Variants in VPS41 observed in about 807,000 individuals in gnomAD.
VPS41 encodes vacuolar protein sorting-associated protein 41 homolog.
In VPS41, 85 loss-of-function variants were observed where a neutral mutation model predicts 130.9. The observed-to-expected ratio is 0.65, with a 90% CI of 0.55 to 0.78. VPS41 has a LOEUF of 0.78. VPS41 is among the 30% of genes least tolerant of loss of function. The pLI is 0.00. For missense variants in VPS41, 874 were observed against 1,018.7 expected (o/e 0.86, Z 1.93); for synonymous variants, 335 against 332.9 (o/e 1.01, Z -0.07).
Position 38,862,528 on chromosome 7 carries a change from T to C in VPS41, c.246+17A>G. 6.7e-7 allele frequency: 1 copy of C among 1,491,448 alleles called. No individual in the cohort carries two copies. Among genetic ancestry groups the C allele is most frequent in the Non-Finnish European group, 9.2e-7 (1 of 1,081,230 alleles). The allele number at this position is 1,491,448 out of a possible 1,614,324, so 92.4% of individuals were successfully genotyped here. A position where few individuals can be genotyped will look rare whatever the true frequency, so the allele number is the denominator to read the frequency against. ...CATGAAGTTTAGCTCATACATTATT[T>C]TATACAGAATACTTACTACATCAAA... is the stretch of plus-strand genomic sequence containing the variant. On this transcript the variant is annotated intron_variant, in intron 4 of 28. Coordinates refer to ENST00000310301, the MANE Select transcript of VPS41 (RefSeq NM_014396.4).
chr7:38,824,356 C>T (rs909196511), intron 5 of VPS41, among the ~76,000 whole-genome samples: 10 of 152,126 alleles, frequency 6.6e-5, no homozygotes, highest in African/African-American at 9.7e-5. Flanking sequence ...TCTGGTGAGG[C>T]GAAATGATAT....
Position 38,891,609 on chromosome 7 carries a change from T to C in VPS41, c.60+6482A>G, listed in dbSNP as rs144423497. ...TCTGTCTGCAAAGCTTTTAAATATTTACTACCTAGAACTTTACAGAAAACG... is the reference window on the plus strand; with the variant it reads ...TCTGTCTGCAAAGCTTTTAAATATTCACTACCTAGAACTTTACAGAAAACG... On this transcript the variant is annotated intron_variant, in intron 2 of 28. Transcript: ENST00000310301. Among the ~76,000 whole-genome samples, 322 of 152,360 alleles carry C rather than the reference T, an allele frequency of 2.1e-3. 2 individuals carry two copies. Among genetic ancestry groups the C allele is most frequent in the Non-Finnish European group, 3.5e-3 (240 of 68,042 alleles).
At chr7:38,786,268 T>C (rs1002291537) in intron 10 of VPS41, among the ~76,000 whole-genome samples, 37 of 152,220 alleles carry the variant, frequency 2.4e-4, no homozygotes, top group Admixed American at 2.1e-3. Flanking sequence ...CATCAGCTTC[T>C]TCACTTACAC....
chr7:38,763,746 A>T (rs984553579), intron 16 of VPS41, among the ~76,000 whole-genome samples, 199 bp from the exon 17 acceptor site: 1 of 152,216 alleles, frequency 6.6e-6, no homozygotes, highest in African/African-American at 2.4e-5. Flanking sequence ...AAAAGTATAT[A>T]CATGTATGAA....
intron 10 of VPS41, among the ~76,000 whole-genome samples, chr7:38,786,494 C>T (rs947792325): frequency 1.3e-5 from 2 of 151,996 alleles, no homozygotes; most frequent in Non-Finnish European, 2.9e-5. Context: ...CACTACTGAG[C>T]GGGGAAAGAG....
intron 7 of VPS41, among the ~76,000 whole-genome samples, chr7:38,805,711 C>A (rs1784827498): frequency 6.6e-6 from 1 of 152,146 alleles, no homozygotes; most frequent in Non-Finnish European, 1.5e-5. Context: ...TGATAGCTTT[C>A]ATGGAAGTGG....
At chr7:38,758,161 C>T (rs866183714) in intron 18 of VPS41, among the ~76,000 whole-genome samples, 193 bp downstream of exon 18, 5 of 152,244 alleles carry the variant, frequency 3.3e-5, no homozygotes, top group Middle Eastern at 3.4e-3. Context: ...AAACAGATTA[C>T]ATTGCAATTG....
At position 38,794,338 on chromosome 7, in the gene VPS41, A is replaced by G. The variant is rs370145299; in HGVS notation, c.717+1127T>C. ...TGTTCATGTAACACATGAAGAAAAA[A>G]GAACCTGAATGATAACAACATGAGG... On this transcript the variant is annotated intron_variant, in intron 9 of 28. Transcript: ENST00000310301. 2.4e-4 allele frequency among the ~76,000 whole-genome samples: 36 copies of G among 152,348 alleles called. 1 individual carries two copies. Among genetic ancestry groups the G allele is most frequent in the African/African-American group, 8.4e-4 (35 of 41,584 alleles).
At chr7:38,798,539 G>A (rs915833452) in intron 7 of VPS41, among the ~76,000 whole-genome samples, 3 of 152,192 alleles carry the variant, frequency 2.0e-5, no homozygotes, top group South Asian at 2.1e-4. Context: ...GTGATCCACC[G>A]GTCTTGGCCT....
rs1785086197 is a variant in VPS41, at chr7:38,817,822, T to C, written c.445A>G (p.Lys149Glu). 1.2e-6 allele frequency: 2 copies of C among 1,613,802 alleles called. No homozygotes were observed. Among genetic ancestry groups the C allele is most frequent in the African/African-American group, 1.3e-5 (1 of 74,914 alleles). ...TAGAGACACACAGCACTTACCTTCTTCCCTCCGGTCACAAACTGCTTGCAA... is the reference window on the plus strand; with the variant it reads ...TAGAGACACACAGCACTTACCTTCTCCCCTCCGGTCACAAACTGCTTGCAA... Reference protein sequence around the residue: ...SSCKQFVTGGKKLLLFERSWM... With the variant: ...SSCKQFVTGGEKLLLFERSWM... Residue 149 changes from lysine to glutamate, a missense_variant, in exon 7 of 29, where the codon AAG becomes GAG. By Grantham distance (56) the Lys-to-Glu change is moderately conservative. Transcript: ENST00000310301.
intron 2 of VPS41, among the ~76,000 whole-genome samples, chr7:38,889,107 T>TAAAA (rs34928108): frequency 6.8e-6 from 1 of 147,766 alleles, no homozygotes. Context: ...AAGTATAATT[T>TAAAA]AAAAAAAAAA....
intron 2 of VPS41, among the ~76,000 whole-genome samples, chr7:38,879,013 G>A (rs1584441784): frequency 6.6e-6 from 1 of 152,320 alleles, no homozygotes; most frequent in East Asian, 1.9e-4. Context: ...AAGACAGTAT[G>A]ACTAGAAAGA....
Position 38,887,954 on chromosome 7 carries a change from A to C in VPS41, c.60+10137T>G, listed in dbSNP as rs1375563157. On this transcript the variant is annotated intron_variant, in intron 2 of 28. Coordinates refer to ENST00000310301, the MANE Select transcript of VPS41 (RefSeq NM_014396.4). ...AAGCTTCATAAGTAAAGGAGAAATAAAATTCTTTACAGACAAGCAAATGCT... is the reference window on the plus strand; with the variant it reads ...AAGCTTCATAAGTAAAGGAGAAATACAATTCTTTACAGACAAGCAAATGCT... Among the ~76,000 whole-genome samples, 3 of 152,240 alleles carry C rather than the reference A, an allele frequency of 2.0e-5. No individual in the cohort carries two copies. The East Asian group carries it at 5.8e-4, about 29-fold the overall frequency.
intron 2 of VPS41, among the ~76,000 whole-genome samples, chr7:38,890,613 G>A (rs1382925422): frequency 6.6e-6 from 1 of 152,112 alleles, no homozygotes; most frequent in Non-Finnish European, 1.5e-5. Flanking sequence ...GCGTGATATT[G>A]TACTAGAGTT....
chr7:38,745,004 C>T (rs948774460), intron 23 of VPS41, among the ~76,000 whole-genome samples: 2 of 152,168 alleles, frequency 1.3e-5, no homozygotes, highest in African/African-American at 4.8e-5. Flanking sequence ...TTGTCATGCA[C>T]GTGGCTCATT....
intron 4 of VPS41, among the ~76,000 whole-genome samples, chr7:38,857,523 A>G (rs1187301593): frequency 1.3e-5 from 2 of 152,232 alleles, no homozygotes; most frequent in Non-Finnish European, 2.9e-5. Flanking sequence ...ACATGGCACA[A>G]TAATTTGATC....
chr7:38,810,667 G>A (rs1784927464), intron 7 of VPS41, among the ~76,000 whole-genome samples: 1 of 152,056 alleles, frequency 6.6e-6, no homozygotes, highest in Non-Finnish European at 1.5e-5. Context: ...GGTTAAGAAT[G>A]TCTTTATTCC....
In VPS41 at chr7:38,894,751, T is replaced by A. The variant is rs538000508; in HGVS notation, c.60+3340A>T. ...GCACAAGGTATGGCCATGATACAAA[T>A]GAGGGTCCACCTCCAGTTCTTTAGC... is the stretch of plus-strand genomic sequence containing the variant. On this transcript the variant is annotated intron_variant, in intron 2 of 28. Transcript: ENST00000310301. Among the ~76,000 whole-genome samples, 21 of 152,098 alleles carry A rather than the reference T, an allele frequency of 1.4e-4. No homozygotes were observed. The East Asian group carries it at 3.9e-3, about 28-fold the overall frequency.
chr7:38,737,588 T>A (rs1371363660), intron 25 of VPS41, among the ~76,000 whole-genome samples: 1 of 152,112 alleles, frequency 6.6e-6, no homozygotes, highest in Non-Finnish European at 1.5e-5. Flanking sequence ...TCATGCAACA[T>A]CTTCTAGCTT....
Sources: allele counts gnomAD v4.1 joint callset (sites outside exome capture counted in the v4.1 genomes callset), GRCh38; gene constraint gnomAD v4.1.1; transcripts MANE v1.5; gene names NCBI Gene and HGNC (gene_info 2026-07-23, HGNC 2026-07-21).